UBAP1L: variants seen among roughly 807,000 people sequenced by gnomAD.
The protein encoded by UBAP1L is ubiquitin associated protein 1 like.
In UBAP1L, 32 loss-of-function variants were observed where a neutral mutation model predicts 32.1. The observed-to-expected ratio is 1.00, with a 90% CI of 0.75 to 1.34. The LOEUF (loss-of-function observed/expected upper bound fraction) is 1.34. Ranked by LOEUF, UBAP1L falls within the 40% of genes most tolerant of loss-of-function variation. The pLI is 0.00. For missense variants in UBAP1L, 516 were observed against 540.5 expected, an observed-to-expected ratio of 0.95 and a Z score of 0.45; for synonymous variants, 243 against 250.2, an observed-to-expected ratio of 0.97 and a Z score of 0.27.
At chr15:65,105,769 T>A (rs1440912201) in intron 2 of UBAP1L, 1 of 698,000 alleles carries the variant, frequency 1.4e-6, no homozygotes, top group Admixed American at 1.8e-5. Context: ...TGGGGCTGGA[T>A]AGAAGGTCGG....
chr15:65,104,430 A>G (rs1394961313), intron 2 of UBAP1L, among the ~76,000 whole-genome samples: 2 of 152,226 alleles, frequency 1.3e-5, no homozygotes, highest in East Asian at 3.8e-4. Context: ...ATCTATTAAA[A>G]TATAGAAGTT....
In UBAP1L at chr15:65,102,555, C is replaced by T. The variant is rs1297023603; in HGVS notation, c.250G>A (p.Glu84Lys). The change falls in exon 3 of 6, where the codon GAA (glutamate) becomes AAA (lysine). Residue 84 changes from glutamate (E) to lysine (K), a missense_variant. Glu to Lys is a moderately conservative substitution (Grantham distance 56). Coordinates refer to ENST00000559089, the MANE Select transcript of UBAP1L (RefSeq NM_001163692.2). The surrounding 1 kb of genome is among the most constrained non-coding windows in gnomAD (Gnocchi z 5.0). ...PPAWLLLVSPEHGLAPAPTTI... is the reference protein window; with the variant it reads ...PPAWLLLVSPKHGLAPAPTTI... ...GTGGGCGCAGGCGCCAGCCCATGTTCGGGGCTGACTAGCAAGAGCCAGGCT... is the reference window on the plus strand; with the variant it reads ...GTGGGCGCAGGCGCCAGCCCATGTTTGGGGCTGACTAGCAAGAGCCAGGCT... 19 of 1,535,348 alleles carry T rather than the reference C, an allele frequency of 1.2e-5. No individual in the cohort carries two copies. Among genetic ancestry groups the T allele is most frequent in the Non-Finnish European group, 1.7e-5 (19 of 1,140,494 alleles).
Position 65,113,318 on chromosome 15 carries a change from G to A in UBAP1L, c.-174+1832C>T, listed in dbSNP as rs145725477. 4.3e-3 allele frequency among the ~76,000 whole-genome samples: 650 copies of A among 152,264 alleles called. 7 individuals carry two copies. The highest frequency in any genetic ancestry group is 0.014 in the African/African-American group (600 of 41,544). On this transcript the variant is annotated intron_variant, in intron 1 of 5. Coordinates refer to ENST00000559089, the MANE Select transcript of UBAP1L (RefSeq NM_001163692.2). ...TCTGAAGGCTTGCAGTGTCTGGCCC[G>A]TTTCCTCTCCTCCCATCTTACTCCA...
At chr15:65,105,705 G>A (rs1595922187) in intron 2 of UBAP1L, 1 of 693,782 alleles carries the variant, frequency 1.4e-6, no homozygotes. Context: ...GAAATAGTGT[G>A]TACCATTCTG....
chr15:65,104,978 GC>G, intron 2 of UBAP1L: 1 of 268,654 alleles, frequency 3.7e-6, no homozygotes, highest in South Asian at 3.1e-5. Context: ...CTGCACTCCA[GC>G]CTGGTGACAG....
chr15:65,114,166 G>C (rs1201677958), intron 1 of UBAP1L, among the ~76,000 whole-genome samples: 1 of 149,538 alleles, frequency 6.7e-6, no homozygotes, highest in Non-Finnish European at 1.5e-5. Context: ...TTACAGGCAT[G>C]AGCCACCGCG....
intron 4 of UBAP1L, chr15:65,098,046 G>A (rs1038148671): frequency 3.3e-5 from 5 of 152,184 alleles, no homozygotes; most frequent in Non-Finnish European, 7.3e-5. Context: ...ACGCAACGAA[G>A]GATGTTACTT....
At position 65,102,765 on chromosome 15, in the gene UBAP1L, T is replaced by A; in HGVS notation, c.121-81A>T. On this transcript the variant is annotated intron_variant, in intron 2 of 5. Transcript: ENST00000559089. The surrounding 1 kb of genome is among the most constrained non-coding windows in gnomAD (Gnocchi z 5.0). ...CACTAACCCCTGGCCTGGGGGACCC[T>A]GTTCAGCCAGAGACTCTCTAAGCCT... is the stretch of plus-strand genomic sequence containing the variant. 1 of 1,317,472 alleles carries A rather than the reference T, an allele frequency of 7.6e-7. No individual in the cohort carries two copies. Among genetic ancestry groups the A allele is most frequent in the Non-Finnish European group, 1.0e-6 (1 of 972,096 alleles). 81.6% of individuals were successfully genotyped at this position (1,317,472 alleles called of 1,614,324 possible).
At chr15:65,109,181 A>G (rs1275588492) in intron 1 of UBAP1L, among the ~76,000 whole-genome samples, 1 of 144,942 alleles carries the variant, frequency 6.9e-6, no homozygotes, top group Non-Finnish European at 1.5e-5. Flanking sequence ...AAGAAAGAAA[A>G]AAAAGTTAAG....
In UBAP1L at chr15:65,102,948, AC is replaced by A. The variant is rs2087261765; in HGVS notation, c.121-265del. Reference sequence around the variant, plus strand: ...CGTCAGTCGAATGAAATGTAATGAAACCCAACATCTAAATCCCTTTGCCATT... The same window carrying A: ...CGTCAGTCGAATGAAATGTAATGAAACCAACATCTAAATCCCTTTGCCATT... On this transcript the variant is annotated intron_variant, in intron 2 of 5. Coordinates refer to ENST00000559089, the MANE Select transcript of UBAP1L (RefSeq NM_001163692.2). The surrounding 1 kb of genome is among the most constrained non-coding windows in gnomAD (Gnocchi z 5.0). Among the ~76,000 whole-genome samples the A allele has an allele frequency of 6.6e-6, 1 of 152,200 alleles. No individual in the cohort carries two copies. The highest frequency in any genetic ancestry group is 1.5e-5 in the Non-Finnish European group (1 of 68,024).
intron 1 of UBAP1L, among the ~76,000 whole-genome samples, chr15:65,113,653 C>G (rs1040212784): frequency 3.9e-5 from 6 of 152,032 alleles, no homozygotes; most frequent in Non-Finnish European, 7.4e-5. Context: ...GAGACTGAGA[C>G]GAGAGAACTG....
At chr15:65,093,631 T>C (rs1306973379) in intron 5 of UBAP1L, among the ~76,000 whole-genome samples, 1 of 152,082 alleles carries the variant, frequency 6.6e-6, no homozygotes, top group East Asian at 1.9e-4. Context: ...TTCCTTCCCC[T>C]CCGACCCCAG....
intron 1 of UBAP1L, among the ~76,000 whole-genome samples, chr15:65,107,384 C>A (rs1015672094): frequency 6.6e-6 from 1 of 151,048 alleles, no homozygotes; most frequent in Non-Finnish European, 1.5e-5. Context: ...TTACATCTCT[C>A]TATATAAATA....
At position 65,102,720 on chromosome 15, in the gene UBAP1L, C is replaced by A; in HGVS notation, c.121-36G>T. 1 of 1,532,792 alleles carries A rather than the reference C, an allele frequency of 6.5e-7. No homozygotes were observed. Among genetic ancestry groups the A allele is most frequent in the Non-Finnish European group, 8.8e-7 (1 of 1,141,300 alleles). The allele number at this position is 1,532,792 out of a possible 1,614,324, so 94.9% of individuals were successfully genotyped here. A position where few individuals can be genotyped will look rare whatever the true frequency, so the allele number is the denominator to read the frequency against. ...AAGGCGACGTAAAGCCCAGGGCAAA[C>A]CAGGACCCCGGGGGCACAACACTAA... On this transcript the variant is annotated intron_variant, in intron 2 of 5. Coordinates refer to ENST00000559089, the MANE Select transcript of UBAP1L (RefSeq NM_001163692.2). The surrounding 1 kb of genome is among the most constrained non-coding windows in gnomAD (Gnocchi z 5.0).
At chr15:65,111,883 C>T (rs143218001) in intron 1 of UBAP1L, among the ~76,000 whole-genome samples, 4 of 151,968 alleles carry the variant, frequency 2.6e-5, no homozygotes, top group East Asian at 3.9e-4. Flanking sequence ...CTCCGTCCCC[C>T]GGGTTCAAGC....
intron 1 of UBAP1L, among the ~76,000 whole-genome samples, chr15:65,111,236 G>A (rs1192622001): frequency 2.0e-5 from 3 of 152,206 alleles, no homozygotes; most frequent in East Asian, 1.9e-4. Context: ...GTACAAGGGT[G>A]TTATAGGAGA....
At chr15:65,114,071 A>T (rs560206427) in intron 1 of UBAP1L, among the ~76,000 whole-genome samples, 20 of 152,068 alleles carry the variant, frequency 1.3e-4, no homozygotes, top group African/African-American at 4.8e-4. Context: ...TTTTTAATAG[A>T]GATAGGGTTT....
At chr15:65,105,937 C>G in intron 2 of UBAP1L, 159 bp downstream of exon 2, 1 of 996,036 alleles carries the variant, frequency 1.0e-6, no homozygotes, top group Non-Finnish European at 1.5e-6. Flanking sequence ...ATTACAGGCA[C>G]GCGTCACCAC....
At position 65,102,713 on chromosome 15, in the gene UBAP1L, G is replaced by A. The variant is rs1467334412; in HGVS notation, c.121-29C>T. The A allele has an allele frequency of 2.0e-6, 3 of 1,537,198 alleles. No homozygotes were observed. Among genetic ancestry groups the A allele is most frequent in the Admixed American group, 4.0e-5 (2 of 50,590 alleles). On this transcript the variant is annotated intron_variant, in intron 2 of 5. Coordinates refer to ENST00000559089, the MANE Select transcript of UBAP1L (RefSeq NM_001163692.2). This position sits in a 1 kb window ranked among gnomAD's most constrained non-coding sequence, Gnocchi z 5.0. ...CGGAAAGAAGGCGACGTAAAGCCCAGGGCAAACCAGGACCCCGGGGGCACA... is the reference window on the plus strand; with the variant it reads ...CGGAAAGAAGGCGACGTAAAGCCCAAGGCAAACCAGGACCCCGGGGGCACA...
Sources: allele counts gnomAD v4.1 joint callset (sites outside exome capture counted in the v4.1 genomes callset), GRCh38; gene constraint gnomAD v4.1.1; non-coding constraint Gnocchi (gnomAD v3.1); transcripts MANE v1.5; gene names NCBI Gene and HGNC (gene_info 2026-07-23, HGNC 2026-07-21).